NFATC1: variants seen among roughly 807,000 people sequenced by gnomAD.
NFATC1 encodes the protein nuclear factor of activated T-cells, cytoplasmic 1.
In NFATC1, 22 loss-of-function variants were observed where a neutral mutation model predicts 76.0. That is an observed-to-expected ratio of 0.29 (90% CI 0.21 to 0.41). The LOEUF (loss-of-function observed/expected upper bound fraction) is 0.41, where lower values mean the gene tolerates loss of function less well. NFATC1 is among the 10% of genes least tolerant of loss of function. The pLI is 1.00. For missense variants in NFATC1, 1,357 were observed against 1,337.7 expected, an observed-to-expected ratio of 1.01 and a Z score of -0.23; for synonymous variants, 704 against 613.1, an observed-to-expected ratio of 1.15 and a Z score of -2.19.
At chr18:79,404,321 C>G (rs966070737) in intron 1 of NFATC1, among the ~76,000 whole-genome samples, 9 of 152,214 alleles carry the variant, frequency 5.9e-5, no homozygotes, top group Non-Finnish European at 1.2e-4. Context: ...CTTTGTAAAT[C>G]TTTCTCGCTG....
At chr18:79,518,639 G>C (rs1216318214) in intron 9 of NFATC1, among the ~76,000 whole-genome samples, 1 of 152,260 alleles carries the variant, frequency 6.6e-6, no homozygotes, top group Non-Finnish European at 1.5e-5. Flanking sequence ...TCATTGCCCA[G>C]GGCGTGGCCC....
chr18:79,511,673 G>A (rs2090257409), intron 9 of NFATC1, among the ~76,000 whole-genome samples: 1 of 152,158 alleles, frequency 6.6e-6, no homozygotes. Flanking sequence ...AGGCAGTCAG[G>A]GCCTGGATTT....
At chr18:79,512,980 G>A (rs2090294321) in intron 9 of NFATC1, among the ~76,000 whole-genome samples, 1 of 152,260 alleles carries the variant, frequency 6.6e-6, no homozygotes, top group African/African-American at 2.4e-5. Flanking sequence ...TGGCTCATGT[G>A]CCTATAAGAT....
intron 6 of NFATC1, among the ~76,000 whole-genome samples, chr18:79,460,510 C>T (rs2088006673): frequency 1.3e-5 from 2 of 152,220 alleles, no homozygotes; most frequent in Admixed American, 6.5e-5. Flanking sequence ...CCCACTCTGC[C>T]AGGCCTGGAG....
intron 2 of NFATC1, among the ~76,000 whole-genome samples, chr18:79,416,017 G>T (rs765498465): frequency 6.6e-6 from 1 of 152,218 alleles, no homozygotes; most frequent in Non-Finnish European, 1.5e-5. Context: ...AGCTGAGGTC[G>T]TGCCACTGCA....
At chr18:79,502,323 G>A (rs977162997) in intron 9 of NFATC1, among the ~76,000 whole-genome samples, 6 of 152,178 alleles carry the variant, frequency 3.9e-5, no homozygotes, top group African/African-American at 7.2e-5. Flanking sequence ...ACCACGCACC[G>A]AAAATGAACT....
intron 1 of NFATC1, among the ~76,000 whole-genome samples, chr18:79,402,747 A>G (rs1477126396): frequency 1.3e-5 from 2 of 152,192 alleles, no homozygotes; most frequent in Non-Finnish European, 2.9e-5. Flanking sequence ...CCCGTGAGAC[A>G]CCGTGCTGTT....
At chr18:79,507,752 C>T (rs1395349581) in intron 9 of NFATC1, among the ~76,000 whole-genome samples, 1 of 152,258 alleles carries the variant, frequency 6.6e-6, no homozygotes, top group East Asian at 1.9e-4. Context: ...GAAAAACCTT[C>T]TCCCTCGCCC....
chr18:79,527,289 G>T (rs1225369932), intron 9 of NFATC1: 2 of 494,366 alleles, frequency 4.0e-6, no homozygotes, highest in South Asian at 2.7e-5. Flanking sequence ...TCAGAGACGT[G>T]CTGGTACCGT....
intron 8 of NFATC1, chr18:79,469,873 C>CG (rs1295426613): frequency 7.1e-6 from 7 of 985,340 alleles, no homozygotes; most frequent in Non-Finnish European, 8.4e-6. Flanking sequence ...CTGGGGGCTG[C>CG]GACCGCAACC....
At chr18:79,510,667 G>C (rs926105990) in intron 9 of NFATC1, among the ~76,000 whole-genome samples, 1 of 152,232 alleles carries the variant, frequency 6.6e-6, no homozygotes, top group Non-Finnish European at 1.5e-5. Context: ...TGCCAGGCTC[G>C]GTTTCCAAGT....
At chr18:79,463,555 G>T (rs1421887638) in intron 7 of NFATC1, among the ~76,000 whole-genome samples, 1 of 115,522 alleles carries the variant, frequency 8.7e-6, no homozygotes. Flanking sequence ...CTCCCCGCTG[G>T]CCGGGCGTTT....
chr18:79,442,982 C>T lies in NFATC1; in HGVS notation c.1387-5800C>T, dbSNP rs114949641. Among the ~76,000 whole-genome samples, 1,194 of 152,330 alleles carry T rather than the reference C, an allele frequency of 7.8e-3. 14 individuals carry two copies. The highest frequency in any genetic ancestry group is 0.028 in the African/African-American group (1,157 of 41,570). On this transcript the variant is annotated intron_variant, in intron 3 of 9. Transcript: ENST00000427363. Reference sequence around the variant, plus strand: ...CTGGAGCCTGGCAGTCCTGCAGCTCCGCCTGCCCCCTTTTGAAAACCAAAA... The same window carrying T: ...CTGGAGCCTGGCAGTCCTGCAGCTCTGCCTGCCCCCTTTTGAAAACCAAAA...
At chr18:79,408,858 C>A (rs937043518) in intron 1 of NFATC1, among the ~76,000 whole-genome samples, 2 of 151,386 alleles carry the variant, frequency 1.3e-5, no homozygotes, top group African/African-American at 4.9e-5. Context: ...CATCCATCAT[C>A]AAACCATTAT....
chr18:79,399,048 CAG>C (rs1284101959), intron 1 of NFATC1, among the ~76,000 whole-genome samples: 1 of 152,248 alleles, frequency 6.6e-6, no homozygotes, highest in South Asian at 2.1e-4. Flanking sequence ...GCCTGGGTGA[CAG>C]AGCGAGACTC....
At chr18:79,414,540 C>G (rs941674270) in intron 2 of NFATC1, among the ~76,000 whole-genome samples, 2 of 152,182 alleles carry the variant, frequency 1.3e-5, no homozygotes, top group Non-Finnish European at 2.9e-5. Context: ...ATACTGAATT[C>G]TTGCTGCAAT....
rs148751176 is a variant in NFATC1, at chr18:79,401,652, G to A, written c.127+5301G>A. Among the ~76,000 whole-genome samples the A allele has an allele frequency of 1.3e-4, 20 of 152,366 alleles. No individual in the cohort carries two copies. The South Asian group carries it at 2.7e-3, about 20-fold the overall frequency. ...AGTTTTCTACCTGGGTGTGCCATGCGAGAGTGTCGCCCCACTCCCGACCTC... is the reference window on the plus strand; with the variant it reads ...AGTTTTCTACCTGGGTGTGCCATGCAAGAGTGTCGCCCCACTCCCGACCTC... On this transcript the variant is annotated intron_variant, in intron 1 of 9. Coordinates refer to ENST00000427363, the MANE Select transcript of NFATC1 (RefSeq NM_001278669.2).
intron 8 of NFATC1, among the ~76,000 whole-genome samples, chr18:79,473,075 C>T (rs1228769354): frequency 6.6e-6 from 1 of 152,282 alleles, no homozygotes; most frequent in Non-Finnish European, 1.5e-5. Context: ...AGCTCTGCCG[C>T]AGCTTAGAAG....
chr18:79,421,290 G>T (rs1292056825), intron 2 of NFATC1: 4 of 152,362 alleles, frequency 2.6e-5, no homozygotes, highest in Admixed American at 2.6e-4. Context: ...GAACTCGAGG[G>T]TTCCCTGACA....
Sources: gnomAD v4.1 joint callset for allele counts (sites outside exome capture counted in the v4.1 genomes callset) on GRCh38, gnomAD v4.1.1 for gene constraint, MANE v1.5 for transcripts, NCBI Gene and HGNC (gene_info 2026-07-23, HGNC 2026-07-21) for gene names.